LOC400499: variants seen among roughly 807,000 people sequenced by gnomAD.
chr16:11,392,640 C>T, the LOC400499 span: 9 of 572,012 alleles, frequency 1.6e-5, no homozygotes, highest in Non-Finnish European at 2.3e-5. Flanking sequence ...GCTGCACCAC[C>T]TAGAGCAACC....
chr16:11,383,727 C>G, the LOC400499 span: 6 of 1,232,526 alleles, frequency 4.9e-6, no homozygotes, highest in Non-Finnish European at 6.1e-6. Context: ...CAGGCTGGAG[C>G]TCCTGGGTGC....
the LOC400499 span, among the ~76,000 whole-genome samples, chr16:11,485,639 A>G: frequency 6.6e-6 from 1 of 151,826 alleles, no homozygotes. Flanking sequence ...TCCACCTTCC[A>G]TCTTTTCTTT....
chr16:11,467,479 G>T, the LOC400499 span, among the ~76,000 whole-genome samples: 1 of 151,874 alleles, frequency 6.6e-6, no homozygotes, highest in African/African-American at 2.4e-5. Context: ...AAGCATGGTG[G>T]CACATGCCTG....
chr16:11,426,773 A>G, the LOC400499 span, among the ~76,000 whole-genome samples: 1 of 151,168 alleles, frequency 6.6e-6, no homozygotes, highest in East Asian at 2.0e-4. Context: ...TAAAAAAAAA[A>G]TTATCTGGGC....
At chr16:11,398,500 G>A in the LOC400499 span, 1 of 1,232,208 alleles carries the variant, frequency 8.1e-7, no homozygotes, top group Non-Finnish European at 1.0e-6. Flanking sequence ...GGCTGAGATG[G>A]CCAATGCCTC....
the LOC400499 span, chr16:11,477,810 G>A: frequency 2.5e-6 from 1 of 398,788 alleles, no homozygotes; most frequent in Admixed American, 4.4e-5. Flanking sequence ...CAGCTCCCAG[G>A]AGCTAGATAC....
the LOC400499 span, among the ~76,000 whole-genome samples, chr16:11,415,722 G>A: frequency 6.6e-6 from 1 of 152,172 alleles, no homozygotes; most frequent in African/African-American, 2.4e-5. Context: ...ACAGCAGTGG[G>A]AGAAGGGAGA....
the LOC400499 span, among the ~76,000 whole-genome samples, chr16:11,409,076 C>T: frequency 1.9e-4 from 29 of 151,892 alleles, no homozygotes; most frequent in East Asian, 3.7e-3. Context: ...GCCCGGCCAA[C>T]GTGGCGAAAC....
At chr16:11,461,521 C>T in the LOC400499 span, among the ~76,000 whole-genome samples, 1 of 151,998 alleles carries the variant, frequency 6.6e-6, no homozygotes, top group Admixed American at 6.6e-5. Flanking sequence ...GTGCCTGGCC[C>T]AAAAATAAAG....
the LOC400499 span, among the ~76,000 whole-genome samples, chr16:11,526,844 A>C: frequency 4.6e-5 from 7 of 151,808 alleles, no homozygotes; most frequent in African/African-American, 1.7e-4. Context: ...GCATTTTCTC[A>C]CTCAGGGCTT....
At chr16:11,502,164 A>C in the LOC400499 span, 1 of 399,144 alleles carries the variant, frequency 2.5e-6, no homozygotes, top group East Asian at 3.6e-5. Context: ...CACCAGTGTC[A>C]GGAACAAGTC....
At chr16:11,476,510 C>T in the LOC400499 span, among the ~76,000 whole-genome samples, 7 of 152,106 alleles carry the variant, frequency 4.6e-5, no homozygotes, top group Admixed American at 2.0e-4. Context: ...GCCACACTCA[C>T]GGACACACCC....
the LOC400499 span, among the ~76,000 whole-genome samples, chr16:11,519,224 G>A: frequency 6.6e-6 from 1 of 152,130 alleles, no homozygotes; most frequent in East Asian, 1.9e-4. Context: ...AAAAGACGCT[G>A]GAAGTTTGGT....
At chr16:11,405,248 G>A in the LOC400499 span, among the ~76,000 whole-genome samples, 1 of 152,206 alleles carries the variant, frequency 6.6e-6, no homozygotes, top group Non-Finnish European at 1.5e-5. Flanking sequence ...GCTACACGGT[G>A]GAGAGGAGCT....
the LOC400499 span, among the ~76,000 whole-genome samples, chr16:11,388,642 A>C: frequency 4.0e-4 from 61 of 152,012 alleles, no homozygotes; most frequent in Non-Finnish European, 7.9e-4. Flanking sequence ...AGGGGCCAAA[A>C]GGGTCTTTTA....
At chr16:11,501,559 T>C in the LOC400499 span, among the ~76,000 whole-genome samples, 1 of 152,062 alleles carries the variant, frequency 6.6e-6, no homozygotes, top group Non-Finnish European at 1.5e-5. Flanking sequence ...GGCATTGCTA[T>C]GTTGCCCAGG....
chr16:11,508,603 C>A, the LOC400499 span: 1 of 397,056 alleles, frequency 2.5e-6, no homozygotes, highest in Non-Finnish European at 4.4e-6. Context: ...TAGGTGACAG[C>A]CCTGATATTA....
chr16:11,424,454 C>G, the LOC400499 span: 1 of 398,476 alleles, frequency 2.5e-6, no homozygotes, highest in East Asian at 3.6e-5. Flanking sequence ...GCCAGCACAC[C>G]TGCTCTCTAG....
chr16:11,483,626 G>A, the LOC400499 span, among the ~76,000 whole-genome samples: 1 of 151,542 alleles, frequency 6.6e-6, no homozygotes, highest in South Asian at 2.1e-4. Context: ...AGCACTTTGA[G>A]AGGCCAAGGC....
Sources: gnomAD v4.1 joint callset for allele counts (sites outside exome capture counted in the v4.1 genomes callset) on GRCh38, gnomAD v4.1.1 for gene constraint, MANE v1.5 for transcripts.